The following ZNF385B variants were observed in gnomAD, a reference collection of about 807,000 sequenced individuals.
ZNF385B encodes zinc finger protein 385B.
A neutral mutation model predicts 39.2 loss-of-function variants in ZNF385B; 23 were observed. The ratio of observed to expected loss-of-function variants is 0.59; its 90% confidence interval spans 0.42 to 0.83. The LOEUF (loss-of-function observed/expected upper bound fraction) is 0.83. Ranked by LOEUF, ZNF385B falls within the 40% of genes least tolerant of loss-of-function variation. The pLI is 0.00. For missense variants in ZNF385B, 552 were observed against 598.9 expected, an observed-to-expected ratio of 0.92 and a Z score of 0.82; for synonymous variants, 205 against 222.6, an observed-to-expected ratio of 0.92 and a Z score of 0.70.
chr2:179,784,961 T>C (rs1348734351), intron 1 of ZNF385B, among the ~76,000 whole-genome samples: 2 of 152,102 alleles, frequency 1.3e-5, no homozygotes, highest in African/African-American at 2.4e-5. Flanking sequence ...TATGTAGATA[T>C]ATTCACCAAA....
intron 1 of ZNF385B, among the ~76,000 whole-genome samples, chr2:179,854,808 GTCT>G (rs1162517023): frequency 6.6e-6 from 1 of 152,106 alleles, no homozygotes; most frequent in Non-Finnish European, 1.5e-5. Context: ...ATTTCATTAT[GTCT>G]TCTTAATTGT....
At chr2:179,854,297 C>A (rs1407567525) in intron 1 of ZNF385B, among the ~76,000 whole-genome samples, 1 of 152,102 alleles carries the variant, frequency 6.6e-6, no homozygotes, top group Non-Finnish European at 1.5e-5. Flanking sequence ...TTTCCCTAGG[C>A]TCAAATTTTA....
intron 3 of ZNF385B, among the ~76,000 whole-genome samples, chr2:179,759,271 G>C (rs958185048): frequency 6.6e-6 from 1 of 152,158 alleles, no homozygotes; most frequent in Non-Finnish European, 1.5e-5. Context: ...CTGCAATTGT[G>C]TGGTACCCTG....
chr2:179,827,301 G>A (rs930963539), intron 1 of ZNF385B, among the ~76,000 whole-genome samples: 1 of 152,044 alleles, frequency 6.6e-6, no homozygotes, highest in Non-Finnish European at 1.5e-5. Context: ...AAATAGACTT[G>A]GGGAGAATCC....
chr2:179,686,505 T>C (rs1697936469), intron 3 of ZNF385B, among the ~76,000 whole-genome samples: 1 of 152,334 alleles, frequency 6.6e-6, no homozygotes, highest in South Asian at 2.1e-4. Flanking sequence ...GGTTCTACCA[T>C]GTGCTCTTTT....
chr2:179,606,338 C>T (rs138874198), intron 3 of ZNF385B, among the ~76,000 whole-genome samples: 153 of 152,266 alleles, frequency 1.0e-3, no homozygotes, highest in African/African-American at 3.6e-3. Context: ...CTTCTCATTA[C>T]TTTAGGGCTG....
At chr2:179,565,907 T>G (rs1390150883) in intron 3 of ZNF385B, among the ~76,000 whole-genome samples, 1 of 152,226 alleles carries the variant, frequency 6.6e-6, no homozygotes, top group Non-Finnish European at 1.5e-5. Context: ...ATTTACATCT[T>G]CATTACAACA....
At chr2:179,493,675 A>ATACACATATGCG (rs1559336407) in intron 5 of ZNF385B, among the ~76,000 whole-genome samples, 1 of 126,610 alleles carries the variant, frequency 7.9e-6, no homozygotes, top group Non-Finnish European at 1.8e-5. Context: ...ATGCATATGC[A>ATACACATATGCG]TATACATATA....
At chr2:179,714,841 C>T (rs149331109) in intron 3 of ZNF385B, among the ~76,000 whole-genome samples, 88 of 149,138 alleles carry the variant, frequency 5.9e-4, no homozygotes, top group Admixed American at 1.6e-3. Context: ...ATCCCAGCTA[C>T]TCAGCAGGCT....
intron 3 of ZNF385B, among the ~76,000 whole-genome samples, chr2:179,561,947 C>T (rs1301525049): frequency 6.6e-6 from 1 of 152,140 alleles, no homozygotes; most frequent in Admixed American, 6.6e-5. Context: ...TGATTACAGG[C>T]TACCAGCCAC....
chr2:179,643,373 G>T (rs1174208184), intron 3 of ZNF385B, among the ~76,000 whole-genome samples: 1 of 152,030 alleles, frequency 6.6e-6, no homozygotes, highest in Non-Finnish European at 1.5e-5. Context: ...ATAGTTAAAA[G>T]ATCCATTCAA....
chr2:179,755,278 T>G (rs1201299495), intron 3 of ZNF385B, among the ~76,000 whole-genome samples: 2 of 152,240 alleles, frequency 1.3e-5, no homozygotes, highest in Non-Finnish European at 2.9e-5. Flanking sequence ...CTAGTTTGAT[T>G]GCACTGTGGT....
intron 3 of ZNF385B, among the ~76,000 whole-genome samples, chr2:179,689,820 TG>T (rs1173209579): frequency 4.3e-5 from 3 of 70,154 alleles, no homozygotes; most frequent in African/African-American, 2.3e-4. Flanking sequence ...TGTGTGTGTG[TG>T]TGTGTTTATT....
chr2:179,654,330 A>G (rs900313886), intron 3 of ZNF385B, among the ~76,000 whole-genome samples: 13 of 152,210 alleles, frequency 8.5e-5, no homozygotes, highest in Non-Finnish European at 1.6e-4. Flanking sequence ...CCCAATGGTT[A>G]GAAGGAGTCT....
chr2:179,743,491 T>C (rs192453598), intron 3 of ZNF385B, among the ~76,000 whole-genome samples: 141 of 152,116 alleles, frequency 9.3e-4, no homozygotes, highest in African/African-American at 3.2e-3. Flanking sequence ...AAATTCAGGA[T>C]TTATGAAGTG....
intron 3 of ZNF385B, among the ~76,000 whole-genome samples, chr2:179,603,322 G>T (rs1019450623): frequency 1.3e-5 from 2 of 152,142 alleles, no homozygotes; most frequent in African/African-American, 4.8e-5. Context: ...GCCACACAGG[G>T]CTTAGCAGAG....
chr2:179,469,470 GTCTGGATCAGGACCCCTT>G (rs1251498740), intron 6 of ZNF385B, among the ~76,000 whole-genome samples: 1 of 152,092 alleles, frequency 6.6e-6, no homozygotes, highest in Non-Finnish European at 1.5e-5. Flanking sequence ...CTCTCTTGGG[GTCTGGATCAGGACCCCTT>G]TCTGGTAATA....
intron 1 of ZNF385B, among the ~76,000 whole-genome samples, chr2:179,844,578 G>T (rs1293293059): frequency 6.6e-6 from 1 of 152,038 alleles, no homozygotes; most frequent in African/African-American, 2.4e-5. Flanking sequence ...TAAAATTAAA[G>T]AAAGAAGCAA....
chr2:179,835,450 C>T (rs1376347993), intron 1 of ZNF385B, among the ~76,000 whole-genome samples: 1 of 152,086 alleles, frequency 6.6e-6, no homozygotes, highest in Non-Finnish European at 1.5e-5. Context: ...GGGCCTAGAC[C>T]TAATGGAATA....
Sources: allele counts gnomAD v4.1 joint callset (sites outside exome capture counted in the v4.1 genomes callset), GRCh38; gene constraint gnomAD v4.1.1; transcripts MANE v1.5; gene names NCBI Gene and HGNC (gene_info 2026-07-23, HGNC 2026-07-21).